Variants in EIF3L observed in about 807,000 individuals in gnomAD.
The protein encoded by EIF3L is eukaryotic translation initiation factor 3 subunit L, also known as eIEF associated protein HSPC021.
In EIF3L, 32 loss-of-function variants were observed where a neutral mutation model predicts 74.6. That is an observed-to-expected ratio of 0.43 (90% CI 0.32 to 0.58). The LOEUF (loss-of-function observed/expected upper bound fraction) is 0.58, where lower values mean the gene tolerates loss of function less well. EIF3L is among the 20% of genes least tolerant of loss of function. The pLI, the probability that EIF3L is intolerant of heterozygous loss-of-function variation, is 0.06. For synonymous variants in EIF3L, 256 were observed against 254.4 expected, an observed-to-expected ratio of 1.01 and a Z score of -0.06; for missense variants, 474 against 707.8, an observed-to-expected ratio of 0.67 and a Z score of 3.75.
At chr22:37,887,205 C>T (rs1163927291) in intron 12 of EIF3L, 1 of 173,892 alleles carries the variant, frequency 5.8e-6, no homozygotes, top group South Asian at 1.0e-4. Context: ...GTTGGGATTA[C>T]AGGCATGAGC....
intron 2 of EIF3L, chr22:37,850,420 G>A: frequency 4.2e-6 from 1 of 237,294 alleles, no homozygotes; most frequent in Non-Finnish European, 8.6e-6. Context: ...TGCAACCTCC[G>A]CGTCCCTCGT....
chr22:37,876,134 T>C (rs1180841921), intron 10 of EIF3L, 123 bp downstream of exon 10: 17 of 1,014,488 alleles, frequency 1.7e-5, no homozygotes, highest in Non-Finnish European at 2.4e-5. Context: ...AGTTCAAGAC[T>C]GTAGAGCGCT....
rs185137174 is a variant in EIF3L, at chr22:37,856,738, G to T, written c.373+1094G>T. ...ACATGCCTGTAATCCCAGCTACTTG[G>T]GAGGTGGAGGCAGGAGAATCACTTG... On this transcript the variant is annotated intron_variant, in intron 4 of 12. Transcript: ENST00000652021. Among the ~76,000 whole-genome samples the T allele has an allele frequency of 6.0e-3, 916 of 152,074 alleles. 8 individuals carry two copies. The highest frequency in any genetic ancestry group is 0.021 in the African/African-American group (886 of 41,508).
Position 37,878,064 on chromosome 22 carries a change from C to T in EIF3L, c.1468C>T (p.Leu490Phe). The change falls in exon 11 of 13, where the codon CTT (leucine) becomes TTT (phenylalanine). Residue 490 changes from leucine to phenylalanine, a missense_variant. By Grantham distance (22) the Leu-to-Phe change is conservative (BLOSUM62 0). This residue lies in a region of EIF3L where 293 missense variants were observed against 469.1 expected (regional missense o/e 0.62). Transcript: ENST00000652021. The stretch of plus-strand genomic sequence containing the variant: ...CACAGAGCAGGAGTTCCGGATCCAG[C>T]TTCTTGTCTTCAAACACAAGATGAA... ...DLTEQEFRIQ[L>F]LVFKHKMKNL... is the part of the protein sequence containing the mutation. 1 of 1,614,142 alleles carries T rather than the reference C, an allele frequency of 6.2e-7. No individual in the cohort carries two copies. Among genetic ancestry groups the T allele is most frequent in the Admixed American group, 1.7e-5 (1 of 60,004 alleles).
chr22:37,874,492 A>G lies in EIF3L; in HGVS notation c.874A>G (p.Lys292Glu). The change falls in exon 9 of 13, where the codon AAG becomes GAG. Residue 292 changes from lysine to glutamate, a missense_variant. By Grantham distance (56) the Lys-to-Glu change is moderately conservative. This residue lies in a region of EIF3L where 293 missense variants were observed against 469.1 expected (regional missense o/e 0.62). Transcript: ENST00000652021. ...SLLGDYYQAI[K>E]VLENIELNKK... ...GTTAGGAGATTACTACCAGGCCATC[A>G]AGGTGCTGGAGAACATCGAACTGAA... The G allele has an allele frequency of 6.2e-7, 1 of 1,614,100 alleles. No individual in the cohort carries two copies.
chr22:37,881,201 A>C (rs1425545555), intron 11 of EIF3L: 1 of 152,202 alleles, frequency 6.6e-6, no homozygotes, highest in Non-Finnish European at 1.5e-5. Context: ...TTTTAAGTTC[A>C]AGCTGGACAT....
chr22:37,854,164 A>C (rs894090375), intron 3 of EIF3L, among the ~76,000 whole-genome samples: 2 of 152,204 alleles, frequency 1.3e-5, no homozygotes, highest in African/African-American at 2.4e-5. Flanking sequence ...CTAGTAAAGG[A>C]GGCAGAAAGA....
At chr22:37,864,696 G>A (rs1486807227) in intron 7 of EIF3L, among the ~76,000 whole-genome samples, 1 of 152,038 alleles carries the variant, frequency 6.6e-6, no homozygotes, top group East Asian at 1.9e-4. Flanking sequence ...CCACCACCAC[G>A]CCCAGCTAAT....
intron 2 of EIF3L, among the ~76,000 whole-genome samples, 167 bp downstream of exon 2, chr22:37,850,230 T>G (rs1001169855): frequency 2.6e-5 from 4 of 152,160 alleles, no homozygotes; most frequent in Admixed American, 6.6e-5. Context: ...TAAACCAGGC[T>G]TTTTATCATA....
chr22:37,850,131 G>T, intron 2 of EIF3L, 68 bp downstream of exon 2: 3 of 1,568,414 alleles, frequency 1.9e-6, no homozygotes, highest in African/African-American at 2.7e-5. Flanking sequence ...CTTAGAACCA[G>T]CTCTGACAGG....
At chr22:37,862,947 A>G (rs748163731) in intron 5 of EIF3L, 22 bp from the exon 6 acceptor site, 1 of 1,570,390 alleles carries the variant, frequency 6.4e-7, no homozygotes, top group African/African-American at 1.4e-5. Context: ...CTGTATCTTG[A>G]TATCTCTTGT....
chr22:37,877,716 G>T lies in EIF3L; in HGVS notation c.1120G>T (p.Ala374Ser). Reference sequence around the variant, plus strand: ...GCAGATGCATGCGCTGCTGGCCATTGCCCTCACGATGTACCCCATGCGTAT... The same window carrying T: ...GCAGATGCATGCGCTGCTGGCCATTTCCCTCACGATGTACCCCATGCGTAT... ...NEQMHALLAI[A>S]LTMYPMRIDE... is the part of the protein sequence containing the mutation. The change falls in exon 11 of 13, where the codon GCC becomes TCC. Residue 374 changes from alanine (A) to serine (S), a missense_variant. Physicochemically the swap from Ala to Ser is moderately conservative, Grantham distance 99. Transcript: ENST00000652021. The T allele has an allele frequency of 6.2e-7, 1 of 1,612,594 alleles. No homozygotes were observed. Among genetic ancestry groups the T allele is most frequent in the Non-Finnish European group, 8.5e-7 (1 of 1,179,178 alleles).
intron 5 of EIF3L, among the ~76,000 whole-genome samples, chr22:37,862,138 A>G (rs926805811): frequency 1.3e-4 from 20 of 152,220 alleles, no homozygotes; most frequent in African/African-American, 4.6e-4. Flanking sequence ...GCCCAGCTAT[A>G]TAATCTTACT....
At chr22:37,857,113 G>A (rs374206519) in intron 4 of EIF3L, among the ~76,000 whole-genome samples, 1 of 151,960 alleles carries the variant, frequency 6.6e-6, no homozygotes, top group Admixed American at 6.6e-5. Context: ...TGTAATCCCA[G>A]CACTTTGGGA....
chr22:37,856,258 G>T (rs534624515), intron 4 of EIF3L, among the ~76,000 whole-genome samples: 1 of 151,894 alleles, frequency 6.6e-6, no homozygotes, highest in Non-Finnish European at 1.5e-5. Flanking sequence ...TGTATTTTTA[G>T]TAGAGACGGG....
At chr22:37,878,360 ACT>A (rs1926863721) in intron 11 of EIF3L, 189 bp downstream of exon 11, 2 of 612,824 alleles carry the variant, frequency 3.3e-6, no homozygotes, top group Non-Finnish European at 5.2e-6. Flanking sequence ...TGGGAGGATC[ACT>A]CTAGCCCAGG....
At chr22:37,862,929 T>G (rs780440746) in intron 5 of EIF3L, 40 bp from the exon 6 acceptor site, 3 of 1,495,730 alleles carry the variant, frequency 2.0e-6, no homozygotes, top group East Asian at 2.3e-5. Flanking sequence ...CACATTAAAA[T>G]TAAATATCTG....
intron 11 of EIF3L, 171 bp from the exon 12 acceptor site, chr22:37,886,594 C>G (rs1927334164): frequency 4.5e-6 from 2 of 446,744 alleles, no homozygotes; most frequent in Admixed American, 3.7e-5. Context: ...GAAAAACTCT[C>G]TAGAAAGAGT....
At chr22:37,853,156 T>C (rs1925319823) in intron 3 of EIF3L, among the ~76,000 whole-genome samples, 1 of 152,152 alleles carries the variant, frequency 6.6e-6, no homozygotes, top group Admixed American at 6.5e-5. Context: ...GCCTCAGTTC[T>C]TGCCTCCTCA....
Sources: allele counts gnomAD v4.1 joint callset (sites outside exome capture counted in the v4.1 genomes callset), GRCh38; gene constraint gnomAD v4.1.1; regional missense constraint gnomAD v4.1.1; transcripts MANE v1.5; gene names NCBI Gene and HGNC (gene_info 2026-07-23, HGNC 2026-07-21).